Variants in SKP1 observed in about 807,000 individuals in gnomAD.
SKP1 encodes S-phase kinase associated protein 1, also known as S-phase kinase-associated protein 1.
A neutral mutation model predicts 21.5 loss-of-function variants in SKP1; 1 was observed. That is an observed-to-expected ratio of 0.05 (90% CI 0.02 to 0.22). SKP1 has a LOEUF of 0.22. Among genes scored for constraint, SKP1 ranks in the 10% least tolerant of loss-of-function variants. SKP1 has a pLI of 1.00. For missense variants in SKP1, 70 were observed against 192.0 expected (o/e 0.36, Z 3.76); for synonymous variants, 59 against 59.3 (o/e 0.99, Z 0.03).
chr5:134,174,189 T>A (rs181273170), intron 1 of SKP1, among the ~76,000 whole-genome samples, 167 bp from the exon 2 acceptor site: 1 of 152,350 alleles, frequency 6.6e-6, no homozygotes, highest in Non-Finnish European at 1.5e-5. Context: ...CACAAGTTAG[T>A]CTCCGAGTAT....
intron 3 of SKP1, among the ~76,000 whole-genome samples, chr5:134,164,610 A>G (rs1761292617): frequency 6.6e-6 from 1 of 152,222 alleles, no homozygotes; most frequent in African/African-American, 2.4e-5. Flanking sequence ...GACTACAAGC[A>G]AAGATCCTTT....
At position 134,149,483 on chromosome 5, in the gene SKP1, G is replaced by GCATTGT. The variant is rs1761006595; in HGVS notation, c.*8244_*8249dup. On this transcript the variant is annotated 3_prime_UTR_variant, in exon 6 of 6. Transcript: ENST00000353411. ...GGGACAGCCACTGGGCCACCATCATGCATTGTCATTGTCACTCCACTGAGT... is the reference window on the plus strand; with the variant it reads ...GGGACAGCCACTGGGCCACCATCATGCATTGTCATTGTCATTGTCACTCCACTGAGT... 1 of 152,242 alleles carries GCATTGT rather than the reference G, an allele frequency of 6.6e-6. No homozygotes were observed. Among genetic ancestry groups the GCATTGT allele is most frequent in the Non-Finnish European group, 1.5e-5 (1 of 68,038 alleles). The allele number at this position is 152,242 out of a possible 1,614,324, so 9.4% of individuals were successfully genotyped here. A position where few individuals can be genotyped will look rare whatever the true frequency, so the allele number is the denominator to read the frequency against.
intron 3 of SKP1, 54 bp downstream of exon 3, chr5:134,167,116 T>A (rs936394544): frequency 1.2e-5 from 10 of 833,934 alleles, no homozygotes; most frequent in Admixed American, 2.2e-5. Flanking sequence ...CTTGTATTAA[T>A]CAATTGGTGT....
intron 2 of SKP1, among the ~76,000 whole-genome samples, chr5:134,168,384 C>G (rs1761373741): frequency 6.6e-6 from 1 of 152,102 alleles, no homozygotes; most frequent in Admixed American, 6.5e-5. Context: ...CAAACACGCA[C>G]AAAACAGATC....
intron 2 of SKP1, among the ~76,000 whole-genome samples, chr5:134,172,620 T>C (rs544819158): frequency 8.6e-5 from 13 of 150,522 alleles, no homozygotes; most frequent in African/African-American, 2.5e-4. Flanking sequence ...ATGCCTGTAA[T>C]GTGGCTCTTC....
rs1317744649 is a variant in SKP1 at position 134,150,635 on chromosome 5, T to A, written c.*7098A>T. ...TCTCAGATCTCTTCAGAGCATTTTT[T>A]AAGCTCTTCAGGGCTTTAAGAGTTC... On this transcript the variant is annotated 3_prime_UTR_variant, in exon 6 of 6. Coordinates refer to ENST00000353411, the MANE Select transcript of SKP1 (RefSeq NM_170679.3). 1.3e-5 allele frequency: 2 copies of A among 152,234 alleles called. No individual in the cohort carries two copies. Among genetic ancestry groups the A allele is most frequent in the African/African-American group, 2.4e-5 (1 of 41,462 alleles). 9.4% of individuals were successfully genotyped at this position (152,234 alleles called of 1,614,324 possible).
In SKP1 at chr5:134,154,749, C is replaced by T. The variant is rs950740894; in HGVS notation, c.*2984G>A. On this transcript the variant is annotated 3_prime_UTR_variant, in exon 6 of 6. Coordinates refer to ENST00000353411, the MANE Select transcript of SKP1 (RefSeq NM_170679.3). ...TACCTTCTTCCTCTCATTCTCTTTC[C>T]TGGTGAAATAAAAGGCATTTCCTAA... is the stretch of plus-strand genomic sequence containing the variant. 1.3e-5 allele frequency: 2 copies of T among 152,178 alleles called. No homozygotes were observed. The highest frequency in any genetic ancestry group is 2.4e-5 in the African/African-American group (1 of 41,440). The allele number at this position is 152,178 out of a possible 1,614,324, so 9.4% of individuals were successfully genotyped here.
intron 1 of SKP1, chr5:134,175,472 C>A (rs1761522693): frequency 6.6e-6 from 1 of 152,156 alleles, no homozygotes; most frequent in Non-Finnish European, 1.5e-5. Flanking sequence ...AATATTTTAA[C>A]CTGAGCCCAA....
intron 5 of SKP1, chr5:134,158,196 C>CA: frequency 7.1e-7 from 1 of 1,403,382 alleles, no homozygotes; most frequent in South Asian, 1.5e-5. Flanking sequence ...TTGCAGGTGC[C>CA]AAAACTAGTA....
intron 3 of SKP1, chr5:134,161,627 T>G (rs1454320643): frequency 6.6e-6 from 1 of 152,396 alleles, no homozygotes; most frequent in Non-Finnish European, 1.5e-5. Context: ...TGGGCAATAG[T>G]GGAAAGGAAA....
At chr5:134,172,197 C>T (rs1265292698) in intron 2 of SKP1, among the ~76,000 whole-genome samples, 1 of 152,252 alleles carries the variant, frequency 6.6e-6, no homozygotes, top group Non-Finnish European at 1.5e-5. Context: ...ACAAGTTTGC[C>T]TTGTTTGTGT....
Position 134,153,291 on chromosome 5 carries a change from G to C in SKP1, c.*4442C>G, listed in dbSNP as rs1393968842. ...TCGAAAACAGCCTGGGCAACATGAG[G>C]AGACCTCATCTCTATAAAAATCAAT... is the stretch of plus-strand genomic sequence containing the variant. On this transcript the variant is annotated 3_prime_UTR_variant, in exon 6 of 6. Transcript: ENST00000353411. 6.6e-6 allele frequency: 1 copy of C among 152,096 alleles called. No individual in the cohort carries two copies. The highest frequency in any genetic ancestry group is 1.5e-5 in the Non-Finnish European group (1 of 68,064). 9.4% of individuals were successfully genotyped at this position (152,096 alleles called of 1,614,324 possible). A position where few individuals can be genotyped will look rare whatever the true frequency, so the allele number is the denominator to read the frequency against.
At chr5:134,169,175 A>T (rs1761391643) in intron 2 of SKP1, among the ~76,000 whole-genome samples, 1 of 152,224 alleles carries the variant, frequency 6.6e-6, no homozygotes, top group Admixed American at 6.5e-5. Context: ...CTGAAAACAG[A>T]CAATGCACTT....
chr5:134,170,000 CA>C (rs1312695127), intron 2 of SKP1, among the ~76,000 whole-genome samples: 213 of 76,900 alleles, frequency 2.8e-3, no homozygotes, highest in Admixed American at 3.2e-3. Flanking sequence ...GACTCCATCT[CA>C]AAAAAAAAAA....
Position 134,158,291 on chromosome 5 carries a change from T to C in SKP1, c.456+164A>G, listed in dbSNP as rs138750964. The C allele has an allele frequency of 2.7e-6, 4 of 1,507,316 alleles. No individual in the cohort carries two copies. The East Asian group carries it at 9.1e-5, about 34-fold the overall frequency. 93.4% of individuals were successfully genotyped at this position (1,507,316 alleles called of 1,614,324 possible). A position where few individuals can be genotyped will look rare whatever the true frequency, so the allele number is the denominator to read the frequency against. The stretch of plus-strand genomic sequence containing the variant: ...ATGCAGTATCATCTAAGTGTTCAGA[T>C]TCATAAAGACAGAACAGTAAGAGTA... On this transcript the variant is annotated intron_variant, in intron 5 of 5. Transcript: ENST00000353411.
chr5:134,173,450 C>T, intron 2 of SKP1: 1 of 284,214 alleles, frequency 3.5e-6, no homozygotes, highest in South Asian at 3.5e-5. Flanking sequence ...GTGACTGCAT[C>T]ACTGCACTCC....
rs1420387310 is a variant in SKP1 at position 134,156,830 on chromosome 5, A to G, written c.*903T>C. On this transcript the variant is annotated 3_prime_UTR_variant, in exon 6 of 6. Transcript: ENST00000353411. ...AATATATACACATTCAACCCATTTA[A>G]GTGAAGAGACACATTTAAGTCCACA... 3 of 152,694 alleles carry G rather than the reference A, an allele frequency of 2.0e-5. No individual in the cohort carries two copies. Among genetic ancestry groups the G allele is most frequent in the African/African-American group, 7.2e-5 (3 of 41,472 alleles). The allele number at this position is 152,694 out of a possible 1,614,324, so 9.5% of individuals were successfully genotyped here.
At chr5:134,161,757 CAT>C (rs1166201788) in intron 3 of SKP1, 1 of 152,168 alleles carries the variant, frequency 6.6e-6, no homozygotes, top group African/African-American at 2.4e-5. Flanking sequence ...ACCCTAGACA[CAT>C]GTGTGAGACT....
At chr5:134,169,039 G>A (rs886665009) in intron 2 of SKP1, among the ~76,000 whole-genome samples, 1 of 152,028 alleles carries the variant, frequency 6.6e-6, no homozygotes, top group African/African-American at 2.4e-5. Context: ...TGAAGCCCTG[G>A]GGAACTGCAG....
Sources: allele counts gnomAD v4.1 joint callset (sites outside exome capture counted in the v4.1 genomes callset), GRCh38; gene constraint gnomAD v4.1.1; transcripts MANE v1.5; gene names NCBI Gene and HGNC (gene_info 2026-07-23, HGNC 2026-07-21).